The following DEUP1 variants were observed in gnomAD, a reference collection of about 807,000 sequenced individuals.
DEUP1 encodes the protein coiled-coil domain containing 67.
A neutral mutation model predicts 87.4 loss-of-function variants in DEUP1; 82 were observed. The ratio of observed to expected loss-of-function variants is 0.94; its 90% CI spans 0.78 to 1.13. The LOEUF is 1.13. DEUP1 is among the 50% of genes most tolerant of loss of function. The pLI, the probability that DEUP1 is intolerant of heterozygous loss-of-function variation, is 0.00. For missense variants in DEUP1, 663 were observed against 681.5 expected, an observed-to-expected ratio of 0.97 and a Z score of 0.30; for synonymous variants, 214 against 222.7, an observed-to-expected ratio of 0.96 and a Z score of 0.35.
chr11:93,386,165 T>C (rs1946541364), intron 8 of DEUP1, among the ~76,000 whole-genome samples: 1 of 152,210 alleles, frequency 6.6e-6, no homozygotes, highest in Non-Finnish European at 1.5e-5. Context: ...TGCCTATACC[T>C]GATGTCAACA....
intron 13 of DEUP1, among the ~76,000 whole-genome samples, chr11:93,429,135 A>C (rs1157189638): frequency 6.6e-6 from 1 of 152,086 alleles, no homozygotes. Context: ...TGTTGCTTAT[A>C]TGTTGGTTTT....
At chr11:93,388,820 A>T (rs537699770) in intron 8 of DEUP1, among the ~76,000 whole-genome samples, 200 bp from the exon 9 acceptor site, 2 of 152,072 alleles carry the variant, frequency 1.3e-5, no homozygotes, top group Non-Finnish European at 2.9e-5. Flanking sequence ...CCTTTCTTCC[A>T]TTGAAACCAT....
chr11:93,430,633 C>T (rs2605582), intron 13 of DEUP1, among the ~76,000 whole-genome samples: 124,857 of 152,136 alleles, frequency 0.82, 51,344 homozygotes, highest in East Asian at 0.91. Context: ...GTTTTCATTA[C>T]GGATAATGAA....
At chr11:93,437,514 C>T (rs780538389) in intron 13 of DEUP1, 29 bp from the exon 14 acceptor site, 2 of 1,567,458 alleles carry the variant, frequency 1.3e-6, no homozygotes, top group South Asian at 2.3e-5. Flanking sequence ...CTGTATTCCT[C>T]ACTCACTTTT....
At chr11:93,418,060 C>T (rs1947710257) in intron 13 of DEUP1, among the ~76,000 whole-genome samples, 1 of 152,112 alleles carries the variant, frequency 6.6e-6, no homozygotes, top group East Asian at 1.9e-4. Flanking sequence ...AAACGGTAGA[C>T]CTAAAACCAT....
intron 13 of DEUP1, among the ~76,000 whole-genome samples, chr11:93,418,084 G>A (rs1422694189): frequency 6.6e-6 from 1 of 152,142 alleles, no homozygotes; most frequent in South Asian, 2.1e-4. Flanking sequence ...AACTGTAGAA[G>A]AAAACCTAGG....
intron 5 of DEUP1, among the ~76,000 whole-genome samples, chr11:93,367,580 G>A (rs1397021393): frequency 6.6e-6 from 1 of 152,058 alleles, no homozygotes; most frequent in South Asian, 2.1e-4. Context: ...TGTGTGTATA[G>A]TTCCCTACTT....
intron 8 of DEUP1, among the ~76,000 whole-genome samples, chr11:93,386,537 T>C (rs1170525124): frequency 6.6e-6 from 1 of 152,232 alleles, no homozygotes; most frequent in African/African-American, 2.4e-5. Context: ...TATTGAAAGA[T>C]TGTTATATTG....
At chr11:93,349,092 A>T (rs1944503285) in intron 2 of DEUP1, among the ~76,000 whole-genome samples, 1 of 152,100 alleles carries the variant, frequency 6.6e-6, no homozygotes, top group South Asian at 2.1e-4. Context: ...GCCCGCATAT[A>T]TTCATCAGTC....
rs184360277 is a variant in DEUP1 at position 93,331,045 on chromosome 11, T to G, written c.-45+273T>G. 7.2e-5 allele frequency among the ~76,000 whole-genome samples: 11 copies of G among 152,348 alleles called. No individual in the cohort carries two copies. The East Asian group carries it at 1.4e-3, about 19-fold the overall frequency. On this transcript the variant is annotated intron_variant, in intron 1 of 13. Coordinates refer to ENST00000298050, the MANE Select transcript of DEUP1 (RefSeq NM_181645.4). Reference sequence around the variant, plus strand: ...GTGGCCTTGGGCAAGCCACTTAACTTGTCTGTGCCTCAGTTTCCCTGACGT... The same window carrying G: ...GTGGCCTTGGGCAAGCCACTTAACTGGTCTGTGCCTCAGTTTCCCTGACGT...
chr11:93,399,897 A>G (rs1359667720), intron 11 of DEUP1, among the ~76,000 whole-genome samples: 1 of 151,920 alleles, frequency 6.6e-6, no homozygotes, highest in Non-Finnish European at 1.5e-5. Context: ...AAAGTTTTCT[A>G]GTTTTTGATT....
intron 8 of DEUP1, 97 bp from the exon 9 acceptor site, chr11:93,388,923 A>G (rs1227187626): frequency 3.0e-6 from 2 of 671,734 alleles, no homozygotes; most frequent in Non-Finnish European, 5.0e-6. Context: ...GTAATGATCT[A>G]TCTCCGCAGC....
intron 9 of DEUP1, 25 bp from the exon 10 acceptor site, chr11:93,394,434 T>C (rs1946871045): frequency 6.7e-7 from 1 of 1,488,232 alleles, no homozygotes; most frequent in Admixed American, 2.6e-5. Flanking sequence ...GATTCAATAA[T>C]ATTTCCAGTC....
intron 1 of DEUP1, among the ~76,000 whole-genome samples, chr11:93,331,350 G>T (rs10831026): frequency 0.35 from 52,386 of 150,822 alleles, 9,410 homozygotes; most frequent in Non-Finnish European, 0.4. Context: ...AACTAAAATT[G>T]TGTTACTGAG....
intron 4 of DEUP1, among the ~76,000 whole-genome samples, chr11:93,362,399 A>G (rs1413698283): frequency 6.6e-6 from 1 of 151,970 alleles, no homozygotes; most frequent in Admixed American, 6.6e-5. Flanking sequence ...AAATGGATAA[A>G]TATTTGAATA....
At chr11:93,434,959 C>A (rs1948200360) in intron 13 of DEUP1, among the ~76,000 whole-genome samples, 1 of 152,192 alleles carries the variant, frequency 6.6e-6, no homozygotes, top group Admixed American at 6.5e-5. Context: ...ATCATGTTAG[C>A]ATCCTCTGGA....
At chr11:93,379,590 A>G (rs763994924) in intron 7 of DEUP1, among the ~76,000 whole-genome samples, 3 of 152,178 alleles carry the variant, frequency 2.0e-5, no homozygotes, top group Non-Finnish European at 2.9e-5. Flanking sequence ...GTCAATGTGT[A>G]GCAGGAAGTA....
At chr11:93,370,508 T>C (rs1226430166) in intron 6 of DEUP1, among the ~76,000 whole-genome samples, 1 of 152,244 alleles carries the variant, frequency 6.6e-6, no homozygotes, top group Non-Finnish European at 1.5e-5. Context: ...CTTGTAAGAC[T>C]GAACATCTCC....
intron 11 of DEUP1, among the ~76,000 whole-genome samples, chr11:93,399,338 C>A (rs1947044487): frequency 6.6e-6 from 1 of 151,720 alleles, no homozygotes; most frequent in African/African-American, 2.4e-5. Flanking sequence ...TATTTAGTTT[C>A]TCCTAGTAAT....
Sources: allele counts gnomAD v4.1 joint callset (sites outside exome capture counted in the v4.1 genomes callset), GRCh38; gene constraint gnomAD v4.1.1; transcripts MANE v1.5; gene names NCBI Gene and HGNC (gene_info 2026-07-23, HGNC 2026-07-21).